Variants in HAUS8 observed in about 807,000 individuals in gnomAD.
The protein encoded by HAUS8 is HAUS augmin like complex subunit 8.
HAUS8 carries 38 observed loss-of-function variants against 42.9 expected under a neutral mutation model. The ratio of observed to expected loss-of-function variants is 0.89; its 90% CI spans 0.68 to 1.16. HAUS8 has a LOEUF of 1.16. Among genes scored for constraint, HAUS8 ranks in the 50% most tolerant of loss-of-function variants. The pLI is 0.00. For synonymous variants in HAUS8, 199 were observed against 205.8 expected (o/e 0.97, Z 0.28); for missense variants, 494 against 511.6 (o/e 0.97, Z 0.33).
At chr19:17,074,010 T>A (rs1416149197) in intron 1 of HAUS8, 1 of 150,570 alleles carries the variant, frequency 6.6e-6, no homozygotes, top group African/African-American at 2.5e-5. Flanking sequence ...AATAAATAAA[T>A]AAATAAAAAT....
chr19:17,059,008 T>C, intron 6 of HAUS8, 132 bp from the exon 7 acceptor site: 1 of 687,674 alleles, frequency 1.5e-6, no homozygotes, highest in Non-Finnish European at 2.4e-6. Flanking sequence ...TTCTCTACTG[T>C]AGTGGGTCTA....
chr19:17,049,918 T>C lies in HAUS8; in HGVS notation c.1188A>G (p.Ala396=). 1 of 1,534,520 alleles carries C rather than the reference T, an allele frequency of 6.5e-7. No homozygotes were observed. Among genetic ancestry groups the C allele is most frequent in the Non-Finnish European group, 8.8e-7 (1 of 1,139,096 alleles). ...PSEDFSSSSQ[A]EVPPSLSRSG... Reference sequence around the variant, plus strand: ...AACGAGAGAGAGAGGGCGGGACTTCTGCCTGGCTGCTTGAAGAAAAATCTT... The same window carrying C: ...AACGAGAGAGAGAGGGCGGGACTTCCGCCTGGCTGCTTGAAGAAAAATCTT... Residue 396 remains alanine, a synonymous_variant, in exon 11 of 11, where the codon GCA becomes GCG. Coordinates refer to ENST00000253669, the MANE Select transcript of HAUS8 (RefSeq NM_033417.2).
At chr19:17,062,817 T>A in intron 3 of HAUS8, 38 bp from the exon 4 acceptor site, 2 of 1,508,546 alleles carry the variant, frequency 1.3e-6, no homozygotes, top group Non-Finnish European at 1.8e-6. Flanking sequence ...GGACAAGACA[T>A]CCTCCCTTCA....
In HAUS8 at chr19:17,058,646, T is replaced by C; in HGVS notation, c.548A>G (p.Lys183Arg). The C allele has an allele frequency of 6.2e-7, 1 of 1,613,362 alleles. No individual in the cohort carries two copies. The highest frequency in any genetic ancestry group is 8.5e-7 in the Non-Finnish European group (1 of 1,179,806). ...RAEKNLLIMCKEKEKLQKKAH... is the reference protein window; with the variant it reads ...RAEKNLLIMCREKEKLQKKAH... ...CTTTTTCTGTAGCTTCTCCTTCTCC[T>C]TACACATTATTAATAAATTCTTTTC... Residue 183 changes from lysine to arginine, a missense_variant, in exon 8 of 11, where the codon AAG (lysine) becomes AGG (arginine). Physicochemically the swap from Lys to Arg is conservative, Grantham distance 26. Transcript: ENST00000253669.
intron 2 of HAUS8, among the ~76,000 whole-genome samples, chr19:17,071,433 T>C (rs73518811): frequency 0.023 from 3,564 of 152,204 alleles, 161 homozygotes; most frequent in African/African-American, 0.082. Flanking sequence ...GCCACTCTCA[T>C]GGTGCAGGTC....
At chr19:17,070,092 C>T (rs893915333) in intron 2 of HAUS8, among the ~76,000 whole-genome samples, 1 of 151,962 alleles carries the variant, frequency 6.6e-6, no homozygotes, top group African/African-American at 2.4e-5. Context: ...CTCTCTGCCT[C>T]CCCCCATTTC....
intron 9 of HAUS8, chr19:17,055,186 ATATAT>A (rs2057317389): frequency 1.4e-5 from 1 of 73,668 alleles, no homozygotes; most frequent in African/African-American, 6.5e-5. Flanking sequence ...ATATATATAT[ATATAT>A]AAGCCAGGTG....
chr19:17,051,090 A>T (rs921336403), intron 10 of HAUS8, among the ~76,000 whole-genome samples: 1 of 152,136 alleles, frequency 6.6e-6, no homozygotes, highest in African/African-American at 2.4e-5. Context: ...ATGTGGCAGC[A>T]GCGAGAGGTG....
At chr19:17,051,660 A>ATTT (rs35343811) in intron 10 of HAUS8, 13 of 113,658 alleles carry the variant, frequency 1.1e-4, no homozygotes, top group South Asian at 3.2e-4. Context: ...ACTTCCATAG[A>ATTT]TTTTTTTTTT....
chr19:17,072,722 C>T (rs932075100), intron 2 of HAUS8, among the ~76,000 whole-genome samples: 7 of 151,780 alleles, frequency 4.6e-5, no homozygotes, highest in Non-Finnish European at 7.4e-5. Flanking sequence ...GATCTTGGCT[C>T]GTGGGGGAGG....
At chr19:17,059,255 G>A (rs369671400) in intron 6 of HAUS8, among the ~76,000 whole-genome samples, 1 of 152,290 alleles carries the variant, frequency 6.6e-6, no homozygotes, top group East Asian at 1.9e-4. Flanking sequence ...CAGCCTAGCC[G>A]TCCTCCCACC....
intron 9 of HAUS8, 175 bp downstream of exon 9, chr19:17,055,686 G>A: frequency 1.5e-6 from 1 of 647,602 alleles, no homozygotes; most frequent in Non-Finnish European, 2.6e-6. Flanking sequence ...TCCCAGTGTG[G>A]TTACTTACTC....
At position 17,049,983 on chromosome 19, in the gene HAUS8, A is replaced by G; in HGVS notation, c.1123T>C (p.Ser375Pro). The change falls in exon 11 of 11, where the codon TCG (serine) becomes CCG (proline). Residue 375 changes from serine (S) to proline (P), a missense_variant. Ser to Pro is a moderately conservative substitution (Grantham distance 74). Transcript: ENST00000253669. ...AACGTGGCCTGAGCGGGGGCTGACG[A>G]GGCACCCGGGTTGTCGTCCTCAGAC... ...PLSEDDNPGA[S>P]SAPAQATFIS... The G allele has an allele frequency of 6.2e-7, 1 of 1,601,188 alleles. No individual in the cohort carries two copies. Among genetic ancestry groups the G allele is most frequent in the Non-Finnish European group, 8.5e-7 (1 of 1,174,246 alleles).
At chr19:17,056,142 C>T (rs1309960338) in intron 8 of HAUS8, 140 bp from the exon 9 acceptor site, 6 of 829,972 alleles carry the variant, frequency 7.2e-6, no homozygotes, top group East Asian at 2.6e-5. Flanking sequence ...AGGAAGTTTC[C>T]GAGGGTGTGG....
chr19:17,075,283 G>A, intron 1 of HAUS8, 111 bp downstream of exon 1: 3 of 1,209,724 alleles, frequency 2.5e-6, no homozygotes, highest in Non-Finnish European at 3.7e-6. Context: ...GCAGTTCCTG[G>A]CGGGGTCGAA....
In HAUS8 at chr19:17,069,747, G is replaced by A. The variant is rs564290671; in HGVS notation, c.92-661C>T. Reference sequence around the variant, plus strand: ...CCATTCTGTCCCCCAGCCCTCTCCCGGACCCCTCCCTCAAAACTGTTCCTC... The same window carrying A: ...CCATTCTGTCCCCCAGCCCTCTCCCAGACCCCTCCCTCAAAACTGTTCCTC... On this transcript the variant is annotated intron_variant, in intron 2 of 10. Coordinates refer to ENST00000253669, the MANE Select transcript of HAUS8 (RefSeq NM_033417.2). Among the ~76,000 whole-genome samples, 8 of 151,610 alleles carry A rather than the reference G, an allele frequency of 5.3e-5. No individual in the cohort carries two copies. In the East Asian group the frequency reaches 9.7e-4, roughly 18 times the overall value.
chr19:17,060,162 G>C, intron 4 of HAUS8, 70 bp from the exon 5 acceptor site: 1 of 1,123,392 alleles, frequency 8.9e-7, no homozygotes. Context: ...AGGAAACGCA[G>C]GCCGTGTTTT....
Position 17,052,880 on chromosome 19 carries a change from C to A in HAUS8, c.874G>T (p.Asp292Tyr). 1 of 1,614,148 alleles carries A rather than the reference C, an allele frequency of 6.2e-7. No individual in the cohort carries two copies. ...ACGTCCTTGAGTTCGCTCAGTAAGT[C>A]CAGCACCTGCACATTTTCTTCCGAA... ...GDSEENVQVL[D>Y]LLSELKDVTA... Residue 292 changes from aspartate to tyrosine, a missense_variant, in exon 10 of 11, where the codon GAC becomes TAC. Coordinates refer to ENST00000253669, the MANE Select transcript of HAUS8 (RefSeq NM_033417.2).
intron 6 of HAUS8, 86 bp from the exon 7 acceptor site, chr19:17,058,962 G>T: frequency 9.2e-7 from 1 of 1,082,448 alleles, no homozygotes; most frequent in Non-Finnish European, 1.3e-6. Flanking sequence ...ACTCTGGCTT[G>T]TGTGGATTTT....
Sources: allele counts gnomAD v4.1 joint callset (sites outside exome capture counted in the v4.1 genomes callset), GRCh38; gene constraint gnomAD v4.1.1; transcripts MANE v1.5; gene names NCBI Gene and HGNC (gene_info 2026-07-23, HGNC 2026-07-21).